The following GATAD2B variants were observed in gnomAD, a reference collection of about 807,000 sequenced individuals.
GATAD2B encodes transcriptional repressor p66-beta.
In GATAD2B, 8 loss-of-function variants were observed where a neutral mutation model predicts 64.3. That is an observed-to-expected ratio of 0.12 (90% CI 0.07 to 0.22). The LOEUF (loss-of-function observed/expected upper bound fraction) is 0.22, where lower values mean the gene tolerates loss of function less well. GATAD2B is among the 10% of genes least tolerant of loss of function. The pLI is 1.00. For synonymous variants in GATAD2B, 281 were observed against 271.3 expected (o/e 1.04, Z -0.35); for missense variants, 453 against 752.0 (o/e 0.60, Z 4.65).
Position 153,871,635 on chromosome 1 carries a change from C to T in GATAD2B, c.-1-43287G>A, listed in dbSNP as rs561551393. ...TACAGGTATGCACTGCTAAGTCTGG[C>T]TAATTTTTGTATTTTTAGTAGAGAC... is the stretch of plus-strand genomic sequence containing the variant. On this transcript the variant is annotated intron_variant, in intron 1 of 10. Transcript: ENST00000368655. Among the ~76,000 whole-genome samples the T allele has an allele frequency of 5.3e-5, 8 of 151,936 alleles. No homozygotes were observed. In the South Asian group the frequency reaches 1.7e-3, roughly 32 times the overall value.
intron 1 of GATAD2B, among the ~76,000 whole-genome samples, chr1:153,870,376 CCTGG>C (rs571659953): frequency 1.3e-5 from 2 of 152,094 alleles, no homozygotes; most frequent in Non-Finnish European, 2.9e-5. Flanking sequence ...TCGAAACCAT[CCTGG>C]CTAACACAGT....
chr1:153,830,150 A>G (rs1675023875), intron 1 of GATAD2B, among the ~76,000 whole-genome samples: 1 of 152,048 alleles, frequency 6.6e-6, no homozygotes, highest in Non-Finnish European at 1.5e-5. Flanking sequence ...TTATATTTGT[A>G]TTTATGTATT....
chr1:153,819,028 G>A, intron 3 of GATAD2B, 106 bp from the exon 4 acceptor site: 2 of 1,158,058 alleles, frequency 1.7e-6, no homozygotes, highest in Non-Finnish European at 2.5e-6. Flanking sequence ...TCTTCCACAA[G>A]AAGCAGAAGT....
intron 1 of GATAD2B, among the ~76,000 whole-genome samples, chr1:153,837,809 C>A (rs1036149230): frequency 9.9e-5 from 15 of 151,946 alleles, no homozygotes; most frequent in Non-Finnish European, 1.6e-4. Flanking sequence ...CATAAATATT[C>A]CTCTGCAAAA....
At chr1:153,913,012 C>A (rs532031424) in intron 1 of GATAD2B, among the ~76,000 whole-genome samples, 1 of 152,050 alleles carries the variant, frequency 6.6e-6, no homozygotes, top group Non-Finnish European at 1.5e-5. Context: ...TGCTTGAACC[C>A]GGGAGGTAGA....
chr1:153,850,678 G>A (rs1030862139), intron 1 of GATAD2B, among the ~76,000 whole-genome samples: 1 of 152,172 alleles, frequency 6.6e-6, no homozygotes, highest in East Asian at 1.9e-4. Flanking sequence ...CCAGCACTTT[G>A]GGAGGCCTAC....
At chr1:153,878,377 T>TG (rs1200093583) in intron 1 of GATAD2B, among the ~76,000 whole-genome samples, 2 of 152,050 alleles carry the variant, frequency 1.3e-5, no homozygotes, top group Non-Finnish European at 2.9e-5. Flanking sequence ...AATTCTGCGA[T>TG]GGTCTCCCAA....
rs1030303119 is a variant in GATAD2B at position 153,808,585 on chromosome 1, C to T, written c.*1592G>A. 6.6e-6 allele frequency: 1 copy of T among 152,464 alleles called. No individual in the cohort carries two copies. The highest frequency in any genetic ancestry group is 2.1e-4 in the South Asian group (1 of 4,824). The allele number at this position is 152,464 out of a possible 1,614,324, so 9.4% of individuals were successfully genotyped here. A position where few individuals can be genotyped will look rare whatever the true frequency, so the allele number is the denominator to read the frequency against. Reference sequence around the variant, plus strand: ...TTCTTCTCTGCTGAGAACATTCCCCCCAGTGCACTCTGGCAGCTTCTGGAG... The same window carrying T: ...TTCTTCTCTGCTGAGAACATTCCCCTCAGTGCACTCTGGCAGCTTCTGGAG... On this transcript the variant is annotated 3_prime_UTR_variant, in exon 11 of 11. Coordinates refer to ENST00000368655, the MANE Select transcript of GATAD2B (RefSeq NM_020699.4).
intron 1 of GATAD2B, chr1:153,852,357 G>T: frequency 1.1e-6 from 1 of 889,776 alleles, no homozygotes. Context: ...AGTAGATGTC[G>T]CCTGCCATCA....
chr1:153,911,249 C>T (rs1678099895), intron 1 of GATAD2B, among the ~76,000 whole-genome samples: 1 of 152,050 alleles, frequency 6.6e-6, no homozygotes, highest in South Asian at 2.1e-4. Flanking sequence ...ATACACAACA[C>T]TGAGAATGGT....
intron 1 of GATAD2B, among the ~76,000 whole-genome samples, chr1:153,898,326 AAAAAAGAAAAAAGAAAAAC>A: frequency 7.0e-6 from 1 of 143,738 alleles, no homozygotes; most frequent in African/African-American, 2.9e-5. Context: ...AAAAAAAAGA[AAAAAAGAAAAAAGAAAAAC>A]AAAAACAAAA....
At chr1:153,827,245 C>CAA (rs545259062) in intron 2 of GATAD2B, among the ~76,000 whole-genome samples, 7 of 49,320 alleles carry the variant, frequency 1.4e-4, no homozygotes, top group African/African-American at 2.4e-4. Flanking sequence ...GACCTTGCCT[C>CAA]AAAAAAAAAA....
At chr1:153,843,814 CAAA>C (rs71584146) in intron 1 of GATAD2B, among the ~76,000 whole-genome samples, 4 of 120,538 alleles carry the variant, frequency 3.3e-5, no homozygotes, top group Non-Finnish European at 1.6e-5. Context: ...CCACCACCAC[CAAA>C]AAAAAAAAAA....
intron 1 of GATAD2B, among the ~76,000 whole-genome samples, chr1:153,919,884 T>C (rs541624256): frequency 6.6e-6 from 1 of 152,378 alleles, no homozygotes; most frequent in African/African-American, 2.4e-5. Context: ...CTTTAAGTAC[T>C]GCAAAGGTCT....
chr1:153,812,176 C>G, intron 8 of GATAD2B, 44 bp from the exon 9 acceptor site: 1 of 974,662 alleles, frequency 1.0e-6, no homozygotes, highest in Non-Finnish European at 1.6e-6. Context: ...GGACAGCACC[C>G]AATACCCAAT....
intron 1 of GATAD2B, among the ~76,000 whole-genome samples, chr1:153,900,982 G>A (rs1314252271): frequency 1.3e-5 from 2 of 152,148 alleles, no homozygotes; most frequent in Non-Finnish European, 2.9e-5. Context: ...GGGAGGCCAA[G>A]GTGGGTGGAT....
intron 10 of GATAD2B, among the ~76,000 whole-genome samples, 188 bp from the exon 11 acceptor site, chr1:153,810,498 T>C (rs1674257929): frequency 6.6e-6 from 1 of 152,226 alleles, no homozygotes; most frequent in African/African-American, 2.4e-5. Context: ...TCTCATTCTG[T>C]CACCCAGGCT....
intron 1 of GATAD2B, chr1:153,852,187 A>G: frequency 1.1e-6 from 1 of 893,218 alleles, no homozygotes; most frequent in Non-Finnish European, 1.9e-6. Context: ...AGACTCAGTC[A>G]GTTGAGGGTG....
At chr1:153,814,977 C>CA (rs58167495) in intron 7 of GATAD2B, among the ~76,000 whole-genome samples, 5,224 of 107,188 alleles carry the variant, frequency 0.049, 288 homozygotes, top group African/African-American at 0.16. Context: ...GATTCCATCT[C>CA]AAAAAAAAAA....
Sources: gnomAD v4.1 joint callset for allele counts (sites outside exome capture counted in the v4.1 genomes callset) on GRCh38, gnomAD v4.1.1 for gene constraint, MANE v1.5 for transcripts, NCBI Gene and HGNC (gene_info 2026-07-23, HGNC 2026-07-21) for gene names.